The following DACH2 variants were observed in gnomAD, a reference collection of about 807,000 sequenced individuals.
DACH2 encodes dachshund family transcription factor 2.
Under a neutral mutation model 35.8 loss-of-function variants are expected in DACH2, and 17 were observed. The observed-to-expected ratio is 0.48, with a 90% CI of 0.33 to 0.71. DACH2 has a LOEUF of 0.71. DACH2 is among the 30% of genes least tolerant of loss of function. DACH2 has a pLI of 0.02. For missense variants in DACH2, 469 were observed against 472.7 expected, an observed-to-expected ratio of 0.99 and a Z score of 0.07; for synonymous variants, 195 against 177.3, an observed-to-expected ratio of 1.10 and a Z score of -0.79.
chrX:86,377,283 C>A (rs186892760), intron 2 of DACH2, among the ~76,000 whole-genome samples: 2 of 111,112 alleles, frequency 1.8e-5, no homozygotes, highest in South Asian at 3.7e-4. Flanking sequence ...TGTGCTACAA[C>A]GATAATGGAA....
intron 3 of DACH2, among the ~76,000 whole-genome samples, chrX:86,611,762 C>G (rs967074304): frequency 1.8e-5 from 2 of 111,375 alleles, no homozygotes; most frequent in African/African-American, 3.3e-5. Flanking sequence ...CCCACAGACT[C>G]TCTGTCTACA....
At chrX:86,829,132 A>C (rs762405576) in intron 11 of DACH2, 1 of 111,878 alleles carries the variant, frequency 8.9e-6, no homozygotes, top group Non-Finnish European at 1.9e-5. Context: ...CCAAGCTCTG[A>C]AGGAATGTTT....
chrX:86,220,688 G>A (rs2032689964), intron 1 of DACH2, among the ~76,000 whole-genome samples: 1 of 111,995 alleles, frequency 8.9e-6, no homozygotes, highest in African/African-American at 3.2e-5. Context: ...ACCTGGGAGT[G>A]CAGATATATT....
intron 3 of DACH2, among the ~76,000 whole-genome samples, chrX:86,564,911 C>T (rs2039275175): frequency 9.0e-6 from 1 of 111,167 alleles, no homozygotes; most frequent in African/African-American, 3.3e-5. Context: ...CTCAGTAAAG[C>T]TATCATCTCT....
At chrX:86,481,422 A>G (rs2037933367) in intron 2 of DACH2, 1 of 111,935 alleles carries the variant, frequency 8.9e-6, no homozygotes, top group African/African-American at 3.2e-5. Flanking sequence ...ACTCACACAA[A>G]CACACATGCT....
At chrX:86,290,664 A>C (rs1234080637) in intron 1 of DACH2, among the ~76,000 whole-genome samples, 2 of 106,179 alleles carry the variant, frequency 1.9e-5, no homozygotes, top group Non-Finnish European at 3.8e-5. Context: ...TCCCAGCACC[A>C]TTTATTAAAT....
chrX:86,619,069 A>G (rs2040040381), intron 3 of DACH2, among the ~76,000 whole-genome samples: 1 of 112,052 alleles, frequency 8.9e-6, no homozygotes, highest in Non-Finnish European at 1.9e-5. Context: ...TCTAAAATGA[A>G]TTTTGCCAAT....
intron 2 of DACH2, among the ~76,000 whole-genome samples, chrX:86,496,086 T>C (rs992803487): frequency 9.0e-6 from 1 of 111,396 alleles, no homozygotes; most frequent in African/African-American, 3.3e-5. Context: ...CTATGGAATA[T>C]AAAGCAAGGC....
At chrX:86,335,895 C>T (rs2035299349) in intron 1 of DACH2, among the ~76,000 whole-genome samples, 1 of 111,257 alleles carries the variant, frequency 9.0e-6, no homozygotes, top group African/African-American at 3.3e-5. Context: ...TTATCATGAA[C>T]AGCTCTTATT....
chrX:86,388,888 G>A (rs2036160544), intron 2 of DACH2, among the ~76,000 whole-genome samples: 1 of 111,311 alleles, frequency 9.0e-6, no homozygotes, highest in Non-Finnish European at 1.9e-5. Flanking sequence ...TAATTTTATG[G>A]CATTGCTGTT....
intron 1 of DACH2, among the ~76,000 whole-genome samples, chrX:86,326,850 G>A (rs1406845817): frequency 9.0e-6 from 1 of 111,695 alleles, no homozygotes; most frequent in Non-Finnish European, 1.9e-5. Context: ...TTTCAGGTTG[G>A]TTGTGTTCAA....
At chrX:86,249,241 G>T (rs1367448436) in intron 1 of DACH2, among the ~76,000 whole-genome samples, 2 of 111,078 alleles carry the variant, frequency 1.8e-5, no homozygotes, top group Non-Finnish European at 3.8e-5. Flanking sequence ...CAAATCAAAA[G>T]AAACTATTAA....
At chrX:86,667,545 GAAGA>G (rs367810959) in intron 4 of DACH2, among the ~76,000 whole-genome samples, 1,591 of 30,765 alleles carry the variant, frequency 0.052, 91 homozygotes, top group Non-Finnish European at 0.066. Flanking sequence ...AAGAAAGAAA[GAAGA>G]AAGAAAGAAA....
intron 1 of DACH2, chrX:86,304,815 G>A (rs1016530302): frequency 6.6e-6 from 1 of 152,422 alleles, no homozygotes; most frequent in Non-Finnish European, 1.4e-5. Context: ...GAGACCCAGA[G>A]GCACAGAGAA....
chrX:86,414,210 A>G (rs1475307843), intron 2 of DACH2, among the ~76,000 whole-genome samples: 1 of 111,503 alleles, frequency 9.0e-6, no homozygotes, highest in Non-Finnish European at 1.9e-5. Context: ...AATTCAAACC[A>G]GTCTTTTGTC....
chrX:86,295,090 C>T (rs1017026131), intron 1 of DACH2, among the ~76,000 whole-genome samples: 56 of 112,674 alleles, frequency 5.0e-4, no homozygotes, highest in Non-Finnish European at 2.3e-4. Flanking sequence ...GGGCGTAGGA[C>T]CCTCCGAGCC....
At chrX:86,196,431 A>C (rs1382107467) in intron 1 of DACH2, among the ~76,000 whole-genome samples, 1 of 110,364 alleles carries the variant, frequency 9.1e-6, no homozygotes, top group Non-Finnish European at 1.9e-5. Flanking sequence ...AGTGGCTCAC[A>C]CCTGTAATCC....
chrX:86,258,197 C>G (rs186693245), intron 1 of DACH2, among the ~76,000 whole-genome samples: 3 of 111,751 alleles, frequency 2.7e-5, no homozygotes, highest in African/African-American at 9.7e-5. Context: ...TCATACAATT[C>G]TTTTTAAATT....
At chrX:86,807,812 T>C (rs2042358809) in intron 7 of DACH2, among the ~76,000 whole-genome samples, 1 of 112,460 alleles carries the variant, frequency 8.9e-6, no homozygotes, top group African/African-American at 3.2e-5. Context: ...TATTAAACAA[T>C]GATTTGCTGT....
Sources: gnomAD v4.1 joint callset for allele counts (sites outside exome capture counted in the v4.1 genomes callset) on GRCh38, gnomAD v4.1.1 for gene constraint, MANE v1.5 for transcripts, NCBI Gene and HGNC (gene_info 2026-07-23, HGNC 2026-07-21) for gene names.